The following FAN1 variants were observed in gnomAD, a reference collection of about 807,000 sequenced individuals.
FAN1 encodes the protein FANCD2 and FANCI associated nuclease 1, also known as fanconi-associated nuclease 1.
In FAN1, 91 loss-of-function variants were observed where a neutral mutation model predicts 104.9. That is an observed-to-expected ratio of 0.87 (90% confidence interval 0.73 to 1.03). The LOEUF (loss-of-function observed/expected upper bound fraction) is 1.03. FAN1 is among the 50% of genes least tolerant of loss of function. The pLI, the probability that FAN1 is intolerant of heterozygous loss-of-function variation, is 0.00. For synonymous variants in FAN1, 478 were observed against 457.6 expected (o/e 1.04, Z -0.57); for missense variants, 1,263 against 1,239.9 (o/e 1.02, Z -0.28).
At chr15:30,904,392 C>T (rs566146851) in intron 1 of FAN1, 120 bp from the exon 2 acceptor site, 1 of 540,246 alleles carries the variant, frequency 1.9e-6, no homozygotes. Flanking sequence ...GGTCTTCTGT[C>T]TCACGCTCAG....
In FAN1 at chr15:30,922,944, G is replaced by A. The variant is rs189124427; in HGVS notation, c.2172+590G>A. Among the ~76,000 whole-genome samples, 114 of 152,352 alleles carry A rather than the reference G, an allele frequency of 7.5e-4. 1 individual carries two copies. The highest frequency in any genetic ancestry group is 2.3e-3 in the South Asian group (11 of 4,832). ...GATTCTGTGGCCACCACAGCCAGGC[G>A]GGTGAGGCCGCAGAGCCTGTGCCTG... On this transcript the variant is annotated intron_variant, in intron 8 of 14. Coordinates refer to ENST00000362065, the MANE Select transcript of FAN1 (RefSeq NM_014967.5).
intron 4 of FAN1, among the ~76,000 whole-genome samples, chr15:30,912,919 G>C (rs1016024204): frequency 6.6e-6 from 1 of 152,154 alleles, no homozygotes; most frequent in Non-Finnish European, 1.5e-5. Flanking sequence ...AGAGTCAGAG[G>C]GCCCACATGG....
Position 30,940,706 on chromosome 15 carries a change from G to A in FAN1, c.*4-860G>A, listed in dbSNP as rs868500473. ...AGGAACAAGACTCTGGGGACTCCTGGCTATGAAGCTTAGTATGAAAAGCCT... is the reference window on the plus strand; with the variant it reads ...AGGAACAAGACTCTGGGGACTCCTGACTATGAAGCTTAGTATGAAAAGCCT... On this transcript the variant is annotated intron_variant, in intron 14 of 14. Coordinates refer to ENST00000362065, the MANE Select transcript of FAN1 (RefSeq NM_014967.5). The A allele has an allele frequency of 1.7e-5, 17 of 988,218 alleles. No homozygotes were observed. In the South Asian group the frequency reaches 7.4e-4, roughly 43 times the overall value. The allele number at this position is 988,218 out of a possible 1,614,324, so 61.2% of individuals were successfully genotyped here.
chr15:30,909,139 T>C (rs2062044094), intron 3 of FAN1, among the ~76,000 whole-genome samples: 1 of 152,210 alleles, frequency 6.6e-6, no homozygotes, highest in South Asian at 2.1e-4. Flanking sequence ...ATGTATTGGG[T>C]ACAAAATTGT....
chr15:30,919,735 A>AT (rs1360185045), intron 6 of FAN1, among the ~76,000 whole-genome samples: 1 of 151,758 alleles, frequency 6.6e-6, no homozygotes, highest in African/African-American at 2.4e-5. Flanking sequence ...GAGAAAACAT[A>AT]TTTACTGTTC....
intron 6 of FAN1, 92 bp downstream of exon 6, chr15:30,918,387 C>A: frequency 7.6e-7 from 1 of 1,310,282 alleles, no homozygotes; most frequent in Non-Finnish European, 1.1e-6. Context: ...GAATATACTC[C>A]TTTTTCTCTG....
intron 7 of FAN1, 105 bp downstream of exon 7, chr15:30,920,758 A>T: frequency 1.5e-6 from 1 of 672,726 alleles, no homozygotes; most frequent in Non-Finnish European, 2.6e-6. Context: ...TTTGGTTAGC[A>T]CACAGTAATA....
intron 4 of FAN1, among the ~76,000 whole-genome samples, chr15:30,913,289 G>T (rs572143365): frequency 6.6e-6 from 1 of 152,246 alleles, no homozygotes; most frequent in South Asian, 2.1e-4. Flanking sequence ...AAGTGGAACA[G>T]TTTCATCCCG....
At chr15:30,927,582 G>A (rs2062497205) in intron 10 of FAN1, 2 of 985,424 alleles carry the variant, frequency 2.0e-6, no homozygotes, top group African/African-American at 3.5e-5. Context: ...CACTCACTGT[G>A]GTACCACGCA....
At chr15:30,906,017 C>G (rs1307108987) in intron 2 of FAN1, 120 bp downstream of exon 2, 2 of 884,714 alleles carry the variant, frequency 2.3e-6, no homozygotes, top group Admixed American at 4.5e-5. Context: ...TTGTGAGCAC[C>G]CTGTGGGAGT....
At chr15:30,920,377 C>T (rs532639799) in intron 6 of FAN1, among the ~76,000 whole-genome samples, 168 bp from the exon 7 acceptor site, 2 of 152,270 alleles carry the variant, frequency 1.3e-5, no homozygotes, top group South Asian at 4.1e-4. Flanking sequence ...GACGTGGTAG[C>T]TGGCTGTGAG....
intron 10 of FAN1, chr15:30,926,504 A>G (rs1281217458): frequency 5.3e-6 from 2 of 379,508 alleles, no homozygotes; most frequent in Non-Finnish European, 3.6e-6. Flanking sequence ...TCGGAAGATT[A>G]ACAAGTACTA....
At chr15:30,911,785 TG>T in intron 4 of FAN1, 1 of 925,496 alleles carries the variant, frequency 1.1e-6, no homozygotes, top group Non-Finnish European at 1.3e-6. Flanking sequence ...ACCCTCTGGC[TG>T]GGCACAGTGG....
chr15:30,924,640 A>G (rs1358562604), intron 8 of FAN1, among the ~76,000 whole-genome samples: 1 of 152,150 alleles, frequency 6.6e-6, no homozygotes, highest in Non-Finnish European at 1.5e-5. Context: ...CCCTGTAAAT[A>G]AGGAATCTGA....
intron 14 of FAN1, chr15:30,940,762 C>T (rs919079393): frequency 5.1e-6 from 5 of 988,754 alleles, no homozygotes; most frequent in Admixed American, 6.0e-5. Flanking sequence ...TTTTCCCACC[C>T]CAATTTTAAA....
chr15:30,929,249 G>C lies in FAN1; in HGVS notation c.2639G>C (p.Arg880Pro). Residue 880 changes from arginine to proline, a missense_variant, in exon 12 of 15, where the codon CGC (arginine) becomes CCC (proline). Physicochemically the swap from Arg to Pro is moderately radical, Grantham distance 103 (BLOSUM62 -2). Around this residue, in one of 2 missense-constraint regions of FAN1, gnomAD observed 581 missense variants for 668.8 expected, o/e 0.87. Transcript: ENST00000362065. The stretch of plus-strand genomic sequence containing the variant: ...ACAGACAGCTTCTTCACAAGCAGAC[G>C]CCCAGCCCTTGAGGCCAGGCTGCAG... ...LCTDSFFTSR[R>P]PALEARLQLI... The C allele has an allele frequency of 6.2e-7, 1 of 1,613,376 alleles. No individual in the cohort carries two copies. Among genetic ancestry groups the C allele is most frequent in the Non-Finnish European group, 8.5e-7 (1 of 1,179,784 alleles).
intron 14 of FAN1, among the ~76,000 whole-genome samples, 188 bp downstream of exon 14, chr15:30,937,447 CTTTTTTTTTTTTT>C (rs11317050): frequency 2.5e-5 from 2 of 78,978 alleles, no homozygotes; most frequent in Non-Finnish European, 4.8e-5. Flanking sequence ...GGGTAATAAA[CTTTTTTTTTTTTT>C]TTTTTTTTTG....
At chr15:30,925,406 T>C in intron 9 of FAN1, 115 bp downstream of exon 9, 1 of 1,041,866 alleles carries the variant, frequency 9.6e-7, no homozygotes, top group South Asian at 1.6e-5. Context: ...CTCGGAATAA[T>C]CTAAAACTCG....
Position 30,905,812 on chromosome 15 carries a change from GA to G in FAN1, c.1153del (p.Thr385ProfsTer20), listed in dbSNP as rs1566908177. The G allele has an allele frequency of 6.2e-7, 1 of 1,614,204 alleles. No individual in the cohort carries two copies. The highest frequency in any genetic ancestry group is 1.7e-5 in the Admixed American group (1 of 60,028). On this transcript the variant is annotated frameshift_variant, in exon 2 of 15. Coordinates refer to ENST00000362065, the MANE Select transcript of FAN1 (RefSeq NM_014967.5). LOFTEE classifies it high-confidence loss of function. The part of the protein sequence containing the change: ...YYLRSFLVVL[K>X]TVLENEDDML... The stretch of plus-strand genomic sequence containing the variant: ...ACCTTCGGAGTTTCCTTGTGGTGCT[GA>G]AAACCGTACTTGAGAATGAAGATGA...
Sources: gnomAD v4.1 joint callset for allele counts (sites outside exome capture counted in the v4.1 genomes callset) on GRCh38, gnomAD v4.1.1 for gene constraint, gnomAD v4.1.1 regional missense constraint, MANE v1.5 for transcripts, NCBI Gene and HGNC (gene_info 2026-07-23, HGNC 2026-07-21) for gene names.